Variants in MAPK4 observed in about 807,000 individuals in gnomAD.
MAPK4 encodes the protein mitogen-activated protein kinase 4.
MAPK4 carries 22 observed loss-of-function variants against 47.7 expected under a neutral mutation model. That is an observed-to-expected ratio of 0.46 (90% CI 0.33 to 0.66). MAPK4 has a LOEUF of 0.66. Ranked by LOEUF, MAPK4 falls within the 30% of genes least tolerant of loss-of-function variation. The pLI is 0.02. For synonymous variants in MAPK4, 390 were observed against 365.7 expected, an observed-to-expected ratio of 1.07 and a Z score of -0.76; for missense variants, 736 against 831.7, an observed-to-expected ratio of 0.88 and a Z score of 1.42.
rs200133137 is a variant in MAPK4 at position 50,729,122 on chromosome 18, G to A, written c.1068-36G>A. On this transcript the variant is annotated intron_variant, in intron 5 of 5. Coordinates refer to ENST00000400384, the MANE Select transcript of MAPK4 (RefSeq NM_002747.4). ...CTCCCTCCCGGAAGCTACCTGGCTT[G>A]GGCATCCAATCACCGCTCTGTTTGT... 1.1e-5 allele frequency: 17 copies of A among 1,505,128 alleles called. No homozygotes were observed. In the East Asian group the frequency reaches 3.0e-4, roughly 27 times the overall value. The allele number at this position is 1,505,128 out of a possible 1,614,324, so 93.2% of individuals were successfully genotyped here. A position where few individuals can be genotyped will look rare whatever the true frequency, so the allele number is the denominator to read the frequency against.
At chr18:50,572,516 A>G (rs16952163) in intron 1 of MAPK4, among the ~76,000 whole-genome samples, 6,069 of 152,220 alleles carry the variant, frequency 0.04, 437 homozygotes, top group African/African-American at 0.14. Flanking sequence ...TCATTTTTCA[A>G]AAGTTATTCA....
intron 1 of MAPK4, among the ~76,000 whole-genome samples, chr18:50,617,403 T>G (rs1327191058): frequency 6.6e-6 from 1 of 152,208 alleles, no homozygotes; most frequent in Non-Finnish European, 1.5e-5. Flanking sequence ...CTTTATTTCC[T>G]TCTTACCAGG....
rs1907458977 is a variant in MAPK4 at position 50,664,193 on chromosome 18, A to G, written c.235A>G (p.Lys79Glu). ...IRRLDHDNIV[K>E]VYEVLGPKGT... Reference sequence around the variant, plus strand: ...GCGCCTGGACCACGACAACATCGTCAAAGTGTACGAGGTGCTCGGTCCCAA... The same window carrying G: ...GCGCCTGGACCACGACAACATCGTCGAAGTGTACGAGGTGCTCGGTCCCAA... The change falls in exon 2 of 6, where the codon AAA becomes GAA. Residue 79 changes from lysine to glutamate, a missense_variant. Lys to Glu is a moderately conservative substitution (Grantham distance 56). Coordinates refer to ENST00000400384, the MANE Select transcript of MAPK4 (RefSeq NM_002747.4). This position sits in a 1 kb window ranked among gnomAD's most constrained non-coding sequence, Gnocchi z 6.0. 1 of 1,614,124 alleles carries G rather than the reference A, an allele frequency of 6.2e-7. No individual in the cohort carries two copies. The highest frequency in any genetic ancestry group is 8.5e-7 in the Non-Finnish European group (1 of 1,180,028).
At chr18:50,671,956 T>C (rs16952375) in intron 2 of MAPK4, among the ~76,000 whole-genome samples, 13,159 of 151,780 alleles carry the variant, frequency 0.087, 1,420 homozygotes, top group African/African-American at 0.26. Context: ...ACTCTGTCTT[T>C]CTTTGATGGC....
intron 1 of MAPK4, among the ~76,000 whole-genome samples, chr18:50,626,716 G>A (rs988691910): frequency 9.9e-5 from 15 of 152,156 alleles, no homozygotes; most frequent in African/African-American, 3.6e-4. Flanking sequence ...AAGTCACAAG[G>A]TGTCTCCAGC....
intron 3 of MAPK4, among the ~76,000 whole-genome samples, chr18:50,716,448 C>A (rs1173084457): frequency 6.6e-6 from 1 of 152,198 alleles, no homozygotes; most frequent in Admixed American, 6.5e-5. Flanking sequence ...CCACACTCAG[C>A]CCTAAATGCT....
At chr18:50,575,866 A>G (rs1258578503) in intron 1 of MAPK4, among the ~76,000 whole-genome samples, 1 of 152,094 alleles carries the variant, frequency 6.6e-6, no homozygotes, top group Non-Finnish European at 1.5e-5. Context: ...AAGAAGACAT[A>G]CATGTGGCAA....
At chr18:50,710,544 GAGGTGGAC>G (rs926591748) in intron 2 of MAPK4, among the ~76,000 whole-genome samples, 2 of 152,018 alleles carry the variant, frequency 1.3e-5, no homozygotes, top group African/African-American at 4.8e-5. Context: ...TTGGGAGGCC[GAGGTGGAC>G]AGATCATGAG....
chr18:50,695,241 G>A (rs1343573675), intron 2 of MAPK4, among the ~76,000 whole-genome samples: 5 of 151,300 alleles, frequency 3.3e-5, no homozygotes, highest in Admixed American at 3.3e-4. Flanking sequence ...AGCTACTCAG[G>A]AGGCTGAGGC....
chr18:50,614,464 A>G (rs2042666710), intron 1 of MAPK4, among the ~76,000 whole-genome samples: 1 of 152,138 alleles, frequency 6.6e-6, no homozygotes, highest in Admixed American at 6.5e-5. Context: ...AATAAGGTTG[A>G]AATTGTTACT....
chr18:50,601,196 T>C (rs1448190662), intron 1 of MAPK4, among the ~76,000 whole-genome samples: 2 of 151,418 alleles, frequency 1.3e-5, no homozygotes, highest in Non-Finnish European at 2.9e-5. Context: ...TAGCTGGGCA[T>C]GGTGGCGCGT....
intron 1 of MAPK4, among the ~76,000 whole-genome samples, chr18:50,623,851 T>C (rs1289372408): frequency 6.6e-6 from 1 of 152,242 alleles, no homozygotes; most frequent in Admixed American, 6.5e-5. Context: ...CCTGCCCTTC[T>C]GGATTCAGCC....
At chr18:50,572,165 G>T (rs562795249) in intron 1 of MAPK4, among the ~76,000 whole-genome samples, 1 of 151,462 alleles carries the variant, frequency 6.6e-6, no homozygotes, top group South Asian at 2.1e-4. Flanking sequence ...GGGCTTTAAC[G>T]ACCCAGCCAT....
chr18:50,673,084 C>A (rs1908051424), intron 2 of MAPK4, among the ~76,000 whole-genome samples: 1 of 152,096 alleles, frequency 6.6e-6, no homozygotes, highest in African/African-American at 2.4e-5. Context: ...CAAGACCAGC[C>A]TGGCCAACAT....
intron 2 of MAPK4, among the ~76,000 whole-genome samples, chr18:50,675,545 G>T (rs893429644): frequency 2.6e-5 from 4 of 152,110 alleles, no homozygotes; most frequent in Non-Finnish European, 5.9e-5. Flanking sequence ...AGGCTGGAGT[G>T]CAGTGGCACG....
intron 2 of MAPK4, among the ~76,000 whole-genome samples, chr18:50,682,716 CA>C (rs1908657086): frequency 6.6e-6 from 1 of 152,166 alleles, no homozygotes; most frequent in Non-Finnish European, 1.5e-5. Flanking sequence ...TCATATGATC[CA>C]GACATTTCAC....
At chr18:50,633,407 T>G (rs2144160257) in intron 1 of MAPK4, among the ~76,000 whole-genome samples, 2 of 152,306 alleles carry the variant, frequency 1.3e-5, no homozygotes, top group South Asian at 4.1e-4. Flanking sequence ...GCAGAAGGGT[T>G]TGAAGAGGTC....
intron 1 of MAPK4, among the ~76,000 whole-genome samples, chr18:50,648,265 C>T (rs890764181): frequency 3.9e-5 from 6 of 152,070 alleles, no homozygotes; most frequent in Non-Finnish European, 5.9e-5. Context: ...GACAGTGTCA[C>T]AAGCAGGTGG....
At chr18:50,604,643 A>G (rs1054285110) in intron 1 of MAPK4, among the ~76,000 whole-genome samples, 4 of 152,232 alleles carry the variant, frequency 2.6e-5, no homozygotes, top group African/African-American at 9.6e-5. Context: ...TCTATGTTTA[A>G]CTTCTACTTT....
Sources: gnomAD v4.1 joint callset for allele counts (sites outside exome capture counted in the v4.1 genomes callset) on GRCh38, gnomAD v4.1.1 for gene constraint, Gnocchi (gnomAD v3.1) non-coding constraint, MANE v1.5 for transcripts, NCBI Gene and HGNC (gene_info 2026-07-23, HGNC 2026-07-21) for gene names.